Variants in GDPD5 observed in about 807,000 individuals in gnomAD.
GDPD5 encodes the protein glycerophosphodiester phosphodiesterase 2.
A neutral mutation model predicts 75.1 loss-of-function variants in GDPD5; 48 were observed. That is an observed-to-expected ratio of 0.64 (90% confidence interval 0.51 to 0.81). The LOEUF (loss-of-function observed/expected upper bound fraction) is 0.81. Ranked by LOEUF, GDPD5 falls within the 40% of genes least tolerant of loss-of-function variation. The pLI, the probability that GDPD5 is intolerant of heterozygous loss-of-function variation, is 0.00. For missense variants in GDPD5, 706 were observed against 822.6 expected (o/e 0.86, Z 1.73); for synonymous variants, 336 against 339.0 (o/e 0.99, Z 0.10).
At chr11:75,512,492 G>A (rs1793400) in intron 1 of GDPD5, among the ~76,000 whole-genome samples, 111,214 of 152,116 alleles carry the variant, frequency 0.73, 42,972 homozygotes, top group Middle Eastern at 0.86. Context: ...CAAGGCAGGC[G>A]GGGTTCCTAA....
At chr11:75,508,398 G>A (rs1950448491) in intron 1 of GDPD5, 1 of 152,196 alleles carries the variant, frequency 6.6e-6, no homozygotes. Flanking sequence ...CACCCACTGG[G>A]TTGATTTGAT....
intron 3 of GDPD5, 60 bp from the exon 4 acceptor site, chr11:75,462,949 C>G (rs1404196096): frequency 1.4e-6 from 2 of 1,381,442 alleles, no homozygotes; most frequent in African/African-American, 2.9e-5. Context: ...TAGGCTGCCT[C>G]CCACCAGAAT....
In GDPD5 at chr11:75,439,863, G is replaced by A. The variant is rs545002580; in HGVS notation, c.1556+16C>T. ...CAGGGTAGGGACAGCCACGGAAGTG[G>A]TCAGATCCTACTCACTTCTGGAGCA... On this transcript the variant is annotated intron_variant, in intron 15 of 16. Coordinates refer to ENST00000336898, the MANE Select transcript of GDPD5 (RefSeq NM_030792.8). The A allele has an allele frequency of 4.4e-6, 7 of 1,604,698 alleles. No individual in the cohort carries two copies. The South Asian group carries it at 7.7e-5, about 18-fold the overall frequency.
chr11:75,438,382 C>T (rs1417740883), intron 15 of GDPD5: 1 of 152,234 alleles, frequency 6.6e-6, no homozygotes, highest in Admixed American at 6.5e-5. Flanking sequence ...ATGACACTGC[C>T]CTGGCTGTGT....
At chr11:75,525,027 GCGCGAACC>G (rs1565230296) in intron 1 of GDPD5, among the ~76,000 whole-genome samples, 175 bp downstream of exon 1, 2 of 152,168 alleles carry the variant, frequency 1.3e-5, no homozygotes, top group Non-Finnish European at 2.9e-5. Flanking sequence ...GCGGGGCAGG[GCGCGAACC>G]CGCACACAAT....
intron 3 of GDPD5, among the ~76,000 whole-genome samples, chr11:75,467,515 C>T (rs889410824): frequency 6.6e-6 from 1 of 152,164 alleles, no homozygotes; most frequent in Non-Finnish European, 1.5e-5. Flanking sequence ...GCAGGGCCAT[C>T]GTGCAAGCCC....
At chr11:75,440,246 G>C (rs1369316197) in intron 14 of GDPD5, among the ~76,000 whole-genome samples, 2 of 152,276 alleles carry the variant, frequency 1.3e-5, no homozygotes, top group Middle Eastern at 3.4e-3. Context: ...TGCAGGGTCT[G>C]TGTGTCTAGG....
intron 14 of GDPD5, 86 bp from the exon 15 acceptor site, chr11:75,440,047 C>G: frequency 1.0e-6 from 1 of 973,644 alleles, no homozygotes; most frequent in Non-Finnish European, 1.6e-6. Context: ...ACCAAAGGAC[C>G]CCACATGGCC....
Position 75,443,216 on chromosome 11 carries a change from G to A in GDPD5, c.868C>T (p.Pro290Ser). ...RRTTNVEEEFPELARRPASML... is the reference protein window; with the variant it reads ...RRTTNVEEEFSELARRPASML... ...GAGGCAGGCCTGCGGGCCAGCTCCGGGAACTCCTCCTCCACGTTGGTGGTG... is the reference window on the plus strand; with the variant it reads ...GAGGCAGGCCTGCGGGCCAGCTCCGAGAACTCCTCCTCCACGTTGGTGGTG... Residue 290 changes from proline (P) to serine (S), a missense_variant, in exon 11 of 17, where the codon CCG becomes TCG. Pro to Ser is a moderately conservative substitution (Grantham distance 74). Transcript: ENST00000336898. 1.9e-6 allele frequency: 3 copies of A among 1,607,232 alleles called. No individual in the cohort carries two copies. The highest frequency in any genetic ancestry group is 2.5e-6 in the Non-Finnish European group (3 of 1,177,568).
At chr11:75,522,644 T>G (rs1295918610) in intron 1 of GDPD5, among the ~76,000 whole-genome samples, 1 of 152,024 alleles carries the variant, frequency 6.6e-6, no homozygotes, top group Non-Finnish European at 1.5e-5. Flanking sequence ...AGATGACACT[T>G]TCTCCCTGTC....
intron 1 of GDPD5, among the ~76,000 whole-genome samples, chr11:75,501,939 C>T (rs775675935): frequency 5.3e-5 from 8 of 152,126 alleles, no homozygotes; most frequent in East Asian, 1.9e-4. Context: ...AAATGACCCG[C>T]GCCAAACACC....
At chr11:75,506,318 G>C (rs1047828255) in intron 1 of GDPD5, among the ~76,000 whole-genome samples, 3 of 152,190 alleles carry the variant, frequency 2.0e-5, no homozygotes, top group Non-Finnish European at 4.4e-5. Flanking sequence ...GAGGAAGAAG[G>C]AGGAGGGATG....
chr11:75,435,502 T>C lies in GDPD5; in HGVS notation c.*5A>G. 1 of 1,594,932 alleles carries C rather than the reference T, an allele frequency of 6.3e-7. No individual in the cohort carries two copies. The highest frequency in any genetic ancestry group is 8.5e-7 in the Non-Finnish European group (1 of 1,170,628). ...CAGGTACAGGTGGGACAGACATGTCTTCAGCTAACGCCCACTCCGCTCTAT... is the reference window on the plus strand; with the variant it reads ...CAGGTACAGGTGGGACAGACATGTCCTCAGCTAACGCCCACTCCGCTCTAT... On this transcript the variant is annotated 3_prime_UTR_variant, in exon 17 of 17. Coordinates refer to ENST00000336898, the MANE Select transcript of GDPD5 (RefSeq NM_030792.8).
intron 2 of GDPD5, among the ~76,000 whole-genome samples, 178 bp downstream of exon 2, chr11:75,490,059 A>G (rs1329607664): frequency 6.6e-6 from 1 of 152,224 alleles, no homozygotes. Flanking sequence ...GTACTAAGCA[A>G]GAGACAAGTC....
intron 3 of GDPD5, 57 bp from the exon 4 acceptor site, chr11:75,462,946 C>T: frequency 7.1e-7 from 1 of 1,401,046 alleles, no homozygotes; most frequent in Non-Finnish European, 1.0e-6. Context: ...CCTTAGGCTG[C>T]CTCCCACCAG....
chr11:75,439,441 G>A (rs1440937600), intron 15 of GDPD5: 1 of 437,552 alleles, frequency 2.3e-6, no homozygotes, highest in Non-Finnish European at 4.6e-6. Context: ...GACAGAGAGA[G>A]AACATCAGTC....
Position 75,448,540 on chromosome 11 carries a change from G to A in GDPD5, c.714+437C>T, listed in dbSNP as rs115027439. 103 of 988,430 alleles carry A rather than the reference G, an allele frequency of 1.0e-4. No individual in the cohort carries two copies. The African/African-American group carries it at 1.7e-3, about 16-fold the overall frequency. 61.2% of individuals were successfully genotyped at this position (988,430 alleles called of 1,614,324 possible). On this transcript the variant is annotated intron_variant, in intron 9 of 16. Coordinates refer to ENST00000336898, the MANE Select transcript of GDPD5 (RefSeq NM_030792.8). ...GAGTGCACTGGTGGCAGAATGCGGC[G>A]CTGACTTTGATCCCTTCGTCTTTCT...
chr11:75,486,310 G>A (rs1372728329), intron 2 of GDPD5, among the ~76,000 whole-genome samples: 3 of 152,108 alleles, frequency 2.0e-5, no homozygotes, highest in Non-Finnish European at 4.4e-5. Flanking sequence ...CTCCTGGGAC[G>A]CAGTTCAAAA....
intron 2 of GDPD5, among the ~76,000 whole-genome samples, chr11:75,488,369 G>A (rs980646311): frequency 2.6e-5 from 4 of 152,128 alleles, no homozygotes; most frequent in African/African-American, 7.2e-5. Flanking sequence ...GAGCCCAGTG[G>A]TTCAGCTGCA....
Sources: gnomAD v4.1 joint callset for allele counts (sites outside exome capture counted in the v4.1 genomes callset) on GRCh38, gnomAD v4.1.1 for gene constraint, MANE v1.5 for transcripts, NCBI Gene and HGNC (gene_info 2026-07-23, HGNC 2026-07-21) for gene names.